MACROD2: variants seen among roughly 807,000 people sequenced by gnomAD.
The protein encoded by MACROD2 is ADP-ribose glycohydrolase MACROD2.
MACROD2 carries 36 observed loss-of-function variants against 70.4 expected under a neutral mutation model. The ratio of observed to expected loss-of-function variants is 0.51; its 90% CI spans 0.39 to 0.68. The LOEUF is 0.68. Among genes scored for constraint, MACROD2 ranks in the 30% least tolerant of loss-of-function variants. The pLI is 0.00. For synonymous variants in MACROD2, 172 were observed against 178.8 expected, an observed-to-expected ratio of 0.96 and a Z score of 0.30; for missense variants, 496 against 538.4, an observed-to-expected ratio of 0.92 and a Z score of 0.78.
At chr20:15,921,222 G>A (rs553945193) in intron 10 of MACROD2, among the ~76,000 whole-genome samples, 13 of 152,154 alleles carry the variant, frequency 8.5e-5, no homozygotes, top group Admixed American at 1.3e-4. Context: ...CACTCCATTC[G>A]TTGTCTGCTC....
At chr20:15,619,667 G>A (rs1028924263) in intron 8 of MACROD2, 22 of 309,648 alleles carry the variant, frequency 7.1e-5, no homozygotes, top group African/African-American at 3.8e-4. Flanking sequence ...TTCCCTTTTC[G>A]GAGTCCCTTC....
chr20:14,271,814 T>C (rs1184687373), intron 3 of MACROD2, among the ~76,000 whole-genome samples: 1 of 152,054 alleles, frequency 6.6e-6, no homozygotes, highest in Non-Finnish European at 1.5e-5. Context: ...CTGATGGAGC[T>C]GAAAACCAAG....
chr20:14,527,756 G>A lies in MACROD2; in HGVS notation c.301+34248G>A, dbSNP rs2085251981. Among the ~76,000 whole-genome samples the A allele has an allele frequency of 2.6e-5, 4 of 152,150 alleles. No homozygotes were observed. The South Asian group carries it at 8.3e-4, about 32-fold the overall frequency. On this transcript the variant is annotated intron_variant, in intron 4 of 17. Coordinates refer to ENST00000684519, the MANE Select transcript of MACROD2 (RefSeq NM_001351661.2). ...TTTCTTAGTGACCTGTTAGACACAT[G>A]CCAGAATGTCTAATGTTTTTCACAT...
intron 8 of MACROD2, among the ~76,000 whole-genome samples, chr20:15,549,635 C>T (rs1600574008): frequency 1.3e-5 from 2 of 152,136 alleles, no homozygotes; most frequent in East Asian, 1.9e-4. Flanking sequence ...GAAGAGAAGC[C>T]TTCACATTGC....
intron 8 of MACROD2, among the ~76,000 whole-genome samples, chr20:15,739,100 G>C (rs545419450): frequency 4.6e-4 from 70 of 152,252 alleles, no homozygotes; most frequent in Non-Finnish European, 8.8e-4. Context: ...GGGCTTGATG[G>C]GGCCTTGTGA....
chr20:15,090,245 A>G (rs553019452), intron 5 of MACROD2, among the ~76,000 whole-genome samples: 25 of 152,178 alleles, frequency 1.6e-4, no homozygotes, highest in African/African-American at 5.8e-4. Context: ...GAATTGTTCA[A>G]TGGTATTGGT....
In MACROD2 at chr20:15,515,771, A is replaced by G. The variant is rs1477648080; in HGVS notation, c.645+15924A>G. ...GCCTTGAACTCTGTTCCTATCCTCA[A>G]ATGAGGAAAGGGACTGAAAACCAGC... On this transcript the variant is annotated intron_variant, in intron 8 of 17. Transcript: ENST00000684519. Among the ~76,000 whole-genome samples the G allele has an allele frequency of 5.9e-5, 9 of 152,188 alleles. No individual in the cohort carries two copies. The East Asian group carries it at 1.3e-3, about 23-fold the overall frequency.
intron 3 of MACROD2, among the ~76,000 whole-genome samples, chr20:14,206,148 G>A (rs536710809): frequency 6.6e-6 from 1 of 152,200 alleles, no homozygotes; most frequent in Non-Finnish European, 1.5e-5. Flanking sequence ...ACAGAGCATA[G>A]GGATATTGCA....
intron 3 of MACROD2, chr20:14,327,188 T>G (rs769042467): frequency 6.2e-7 from 1 of 1,613,714 alleles, no homozygotes; most frequent in Admixed American, 1.7e-5. Flanking sequence ...TGTAACTCTT[T>G]TACATACTTT....
At chr20:14,805,813 G>C (rs542261653) in intron 5 of MACROD2, among the ~76,000 whole-genome samples, 1 of 151,906 alleles carries the variant, frequency 6.6e-6, no homozygotes, top group Non-Finnish European at 1.5e-5. Flanking sequence ...CTAGAAAAAA[G>C]TGAACCCTAG....
chr20:14,034,550 C>T (rs1235593279), intron 2 of MACROD2, among the ~76,000 whole-genome samples: 1 of 152,182 alleles, frequency 6.6e-6, no homozygotes, highest in African/African-American at 2.4e-5. Context: ...GTTATATTCC[C>T]ACTTTTAGTG....
intron 5 of MACROD2, among the ~76,000 whole-genome samples, chr20:14,926,856 A>G (rs1358209516): frequency 6.6e-6 from 1 of 152,196 alleles, no homozygotes; most frequent in African/African-American, 2.4e-5. Context: ...GCTAATTAGA[A>G]AAGTGTATTT....
At chr20:15,659,698 G>A (rs1345669982) in intron 8 of MACROD2, among the ~76,000 whole-genome samples, 1 of 152,120 alleles carries the variant, frequency 6.6e-6, no homozygotes, top group Non-Finnish European at 1.5e-5. Context: ...ACCTGAGGCT[G>A]GGTAATTTAT....
At chr20:15,387,770 ACT>A (rs913111017) in intron 6 of MACROD2, among the ~76,000 whole-genome samples, 4 of 144,058 alleles carry the variant, frequency 2.8e-5, no homozygotes. Context: ...GACAGGTCTC[ACT>A]CTGTCATCCA....
chr20:14,286,126 A>G (rs1390283865), intron 3 of MACROD2, among the ~76,000 whole-genome samples: 1 of 152,162 alleles, frequency 6.6e-6, no homozygotes, highest in East Asian at 1.9e-4. Flanking sequence ...CACAGAGGGA[A>G]GAAAAATAAA....
chr20:15,139,339 G>C (rs2076174134), intron 5 of MACROD2, among the ~76,000 whole-genome samples: 1 of 152,104 alleles, frequency 6.6e-6, no homozygotes, highest in Non-Finnish European at 1.5e-5. Context: ...TGAAATGGTT[G>C]TAAGTCGTGT....
chr20:15,021,089 CGTGTATGTGTAT>C (rs1275303023), intron 5 of MACROD2, among the ~76,000 whole-genome samples: 3 of 127,502 alleles, frequency 2.4e-5, no homozygotes, highest in African/African-American at 9.0e-5. Context: ...TGTGTATACA[CGTGTATGTGTAT>C]ACACGTGTAT....
intron 4 of MACROD2, among the ~76,000 whole-genome samples, chr20:14,534,954 A>G (rs1442241762): frequency 6.6e-6 from 1 of 152,234 alleles, no homozygotes; most frequent in Non-Finnish European, 1.5e-5. Flanking sequence ...AGACAGAATT[A>G]GGGACAATAG....
At chr20:15,890,353 G>A (rs1393537542) in intron 10 of MACROD2, among the ~76,000 whole-genome samples, 1 of 152,172 alleles carries the variant, frequency 6.6e-6, no homozygotes, top group Non-Finnish European at 1.5e-5. Context: ...TGAATTTTCA[G>A]CATTGGAAAC....
Sources: gnomAD v4.1 joint callset for allele counts (sites outside exome capture counted in the v4.1 genomes callset) on GRCh38, gnomAD v4.1.1 for gene constraint, MANE v1.5 for transcripts, NCBI Gene and HGNC (gene_info 2026-07-23, HGNC 2026-07-21) for gene names.